MDGA2: variants seen among roughly 807,000 people sequenced by gnomAD.
MDGA2 encodes the protein MAM domain-containing glycosylphosphatidylinositol anchor protein 2.
Under a neutral mutation model 117.8 loss-of-function variants are expected in MDGA2, and 40 were observed. The observed-to-expected ratio is 0.34, with a 90% confidence interval of 0.26 to 0.44. The LOEUF is 0.44. MDGA2 is among the 20% of genes least tolerant of loss of function. The pLI, the probability that MDGA2 is intolerant of heterozygous loss-of-function variation, is 1.00. For synonymous variants in MDGA2, 452 were observed against 439.0 expected, an observed-to-expected ratio of 1.03 and a Z score of -0.37; for missense variants, 1,123 against 1,250.6, an observed-to-expected ratio of 0.90 and a Z score of 1.54.
intron 1 of MDGA2, among the ~76,000 whole-genome samples, chr14:47,418,614 T>C (rs1892520271): frequency 6.6e-6 from 1 of 152,130 alleles, no homozygotes; most frequent in Admixed American, 6.6e-5. Context: ...GCCCCACCCC[T>C]TGTCAAACTG....
intron 2 of MDGA2, among the ~76,000 whole-genome samples, chr14:47,296,915 G>A (rs1889093754): frequency 6.6e-6 from 1 of 152,220 alleles, no homozygotes; most frequent in African/African-American, 2.4e-5. Flanking sequence ...CAGCCTGAGT[G>A]AAGACAATGA....
intron 9 of MDGA2, among the ~76,000 whole-genome samples, chr14:46,936,749 C>T (rs1884795745): frequency 1.3e-5 from 2 of 151,454 alleles, no homozygotes; most frequent in South Asian, 4.2e-4. Context: ...AAACCAAAAG[C>T]TCTCAATAAA....
chr14:47,400,698 C>CAA (rs1277990439), intron 1 of MDGA2, among the ~76,000 whole-genome samples: 4 of 130,564 alleles, frequency 3.1e-5, no homozygotes, highest in Admixed American at 1.5e-4. Context: ...AACAAACAAA[C>CAA]AAAAAAAAAA....
intron 10 of MDGA2, among the ~76,000 whole-genome samples, chr14:46,914,606 A>C (rs1029026393): frequency 6.6e-6 from 1 of 152,124 alleles, no homozygotes; most frequent in African/African-American, 2.4e-5. Flanking sequence ...CTATGAGTTT[A>C]ATAACACAGC....
chr14:47,112,099 G>A (rs1360471869), intron 5 of MDGA2, among the ~76,000 whole-genome samples: 1 of 152,016 alleles, frequency 6.6e-6, no homozygotes, highest in East Asian at 1.9e-4. Flanking sequence ...AACCTGGAAT[G>A]CAGAACAATG....
intron 5 of MDGA2, among the ~76,000 whole-genome samples, chr14:47,108,461 G>A (rs561858904): frequency 6.6e-6 from 1 of 152,278 alleles, no homozygotes; most frequent in Non-Finnish European, 1.5e-5. Context: ...CACAAAAGAA[G>A]TGTAAATGGC....
intron 8 of MDGA2, among the ~76,000 whole-genome samples, chr14:46,961,884 C>T (rs1488876110): frequency 2.6e-5 from 4 of 152,122 alleles, no homozygotes; most frequent in Admixed American, 2.6e-4. Flanking sequence ...CCTCGTGATC[C>T]ACCTGCCTTG....
chr14:47,007,556 A>T (rs1291000556), intron 8 of MDGA2, among the ~76,000 whole-genome samples: 1 of 151,860 alleles, frequency 6.6e-6, no homozygotes, highest in Non-Finnish European at 1.5e-5. Flanking sequence ...AACTAAATGA[A>T]GACACCGTGA....
Position 46,952,835 on chromosome 14 carries a change from A to G in MDGA2, c.2089+4539T>C, listed in dbSNP as rs1010257378. Among the ~76,000 whole-genome samples, 11 of 152,126 alleles carry G rather than the reference A, an allele frequency of 7.2e-5. No individual in the cohort carries two copies. The East Asian group carries it at 1.2e-3, about 16-fold the overall frequency. On this transcript the variant is annotated intron_variant, in intron 9 of 16. Transcript: ENST00000399232. ...AATAACTGGTAGAACTGAAATAGAG[A>G]TTATGCTATATATTTTATTTTAAAT...
intron 10 of MDGA2, among the ~76,000 whole-genome samples, chr14:46,896,865 G>A (rs1183025172): frequency 6.6e-6 from 1 of 152,116 alleles, no homozygotes; most frequent in East Asian, 1.9e-4. Flanking sequence ...TAGCAGTGCT[G>A]TATTTCTGAG....
At chr14:47,436,157 C>G (rs1379182617) in intron 1 of MDGA2, among the ~76,000 whole-genome samples, 1 of 152,080 alleles carries the variant, frequency 6.6e-6, no homozygotes, top group African/African-American at 2.4e-5. Flanking sequence ...AAATACATCT[C>G]TGATATTCCC....
At chr14:47,153,062 A>G (rs1156722296) in intron 3 of MDGA2, among the ~76,000 whole-genome samples, 1 of 152,222 alleles carries the variant, frequency 6.6e-6, no homozygotes, top group Non-Finnish European at 1.5e-5. Flanking sequence ...GTAATTTGGT[A>G]TGATGTTTGA....
chr14:47,577,085 CA>C lies in MDGA2; in HGVS notation c.280+97431del, dbSNP rs1379910787. On this transcript the variant is annotated intron_variant, in intron 1 of 16. Transcript: ENST00000399232. ...CTTAAAGAAAGATGGTAAAGTTAAT[CA>C]TGTTACTGTGCATATTTCTGTAAAG... Among the ~76,000 whole-genome samples, 12 of 152,162 alleles carry C rather than the reference CA, an allele frequency of 7.9e-5. No homozygotes were observed. In the East Asian group the frequency reaches 2.3e-3, roughly 29 times the overall value.
rs1889279061 is a variant in MDGA2, at chr14:47,301,395, A to G, written c.420+16T>C. On this transcript the variant is annotated intron_variant, in intron 2 of 16. Transcript: ENST00000399232. ...GTCAGAGAATGTTTTCTCCAGTGTC[A>G]CAGTTCGGGACTCACCTGTGGACGT... 1 of 1,550,506 alleles carries G rather than the reference A, an allele frequency of 6.4e-7. No individual in the cohort carries two copies.
At chr14:47,299,513 T>G (rs1009904776) in intron 2 of MDGA2, 4 of 152,188 alleles carry the variant, frequency 2.6e-5, no homozygotes, top group Non-Finnish European at 2.9e-5. Context: ...GATCCCAACT[T>G]TTGATTCTGA....
chr14:47,087,969 A>T (rs1352983454), intron 6 of MDGA2, among the ~76,000 whole-genome samples: 1 of 152,046 alleles, frequency 6.6e-6, no homozygotes, highest in Admixed American at 6.6e-5. Flanking sequence ...TCTTGGCTAG[A>T]GTAAATATGA....
At chr14:47,563,578 GTTTTT>G (rs56244321) in intron 1 of MDGA2, among the ~76,000 whole-genome samples, 59 of 56,934 alleles carry the variant, frequency 1.0e-3, no homozygotes, top group African/African-American at 3.6e-3. Flanking sequence ...GCTTTTTTCT[GTTTTT>G]TTTTTTTTTT....
intron 1 of MDGA2, among the ~76,000 whole-genome samples, chr14:47,412,295 T>C (rs1453441203): frequency 6.6e-6 from 1 of 152,154 alleles, no homozygotes; most frequent in Non-Finnish European, 1.5e-5. Context: ...TTTATTTTTT[T>C]CAAGAGATAG....
intron 1 of MDGA2, among the ~76,000 whole-genome samples, chr14:47,324,501 T>C (rs12436373): frequency 0.22 from 33,208 of 152,012 alleles, 3,845 homozygotes; most frequent in African/African-American, 0.24. Context: ...GACTCTGGAG[T>C]TCTCTGTGTA....
Sources: allele counts gnomAD v4.1 joint callset (sites outside exome capture counted in the v4.1 genomes callset), GRCh38; gene constraint gnomAD v4.1.1; transcripts MANE v1.5; gene names NCBI Gene and HGNC (gene_info 2026-07-23, HGNC 2026-07-21).